RPS25: variants seen among roughly 807,000 people sequenced by gnomAD.
RPS25 encodes the protein ribosomal protein S25.
A neutral mutation model predicts 14.4 loss-of-function variants in RPS25; 1 was observed. The observed-to-expected ratio is 0.07, with a 90% CI of 0.02 to 0.33. The LOEUF is 0.33. Ranked by LOEUF, RPS25 falls within the 10% of genes least tolerant of loss-of-function variation. RPS25 has a pLI of 1.00. For synonymous variants in RPS25, 63 were observed against 53.8 expected (o/e 1.17, Z -0.75); for missense variants, 65 against 144.6 (o/e 0.45, Z 2.82).
At chr11:119,017,740 A>G in intron 2 of RPS25, 195 bp from the exon 3 acceptor site, 1 of 674,198 alleles carries the variant, frequency 1.5e-6, no homozygotes, top group Non-Finnish European at 2.5e-6. Flanking sequence ...TAGATCAGTT[A>G]AAAATAACAC....
At chr11:119,017,274 C>A in intron 3 of RPS25, 88 bp downstream of exon 3, 1 of 962,904 alleles carries the variant, frequency 1.0e-6, no homozygotes, top group Non-Finnish European at 1.5e-6. Flanking sequence ...TTTTTTAATT[C>A]TGCTTTTCCA....
chr11:119,017,597 C>A, intron 2 of RPS25, 52 bp from the exon 3 acceptor site: 2 of 1,497,112 alleles, frequency 1.3e-6, no homozygotes, highest in South Asian at 2.3e-5. Flanking sequence ...CAGAAGCACC[C>A]TTTCCCTCTC....
At chr11:119,016,715 C>T (rs1018897378) in intron 3 of RPS25, among the ~76,000 whole-genome samples, 2 of 151,500 alleles carry the variant, frequency 1.3e-5, no homozygotes, top group African/African-American at 4.9e-5. Context: ...ACTGCCACCT[C>T]CATCTCCTGG....
chr11:119,017,210 G>A (rs776058151), intron 3 of RPS25, 152 bp downstream of exon 3: 5 of 580,094 alleles, frequency 8.6e-6, no homozygotes, highest in Non-Finnish European at 1.5e-5. Context: ...TCAGGATCAG[G>A]AGTAAGACGT....
At position 119,017,562 on chromosome 11, in the gene RPS25, A is replaced by T; in HGVS notation, c.100-17T>A. 1 of 1,607,524 alleles carries T rather than the reference A, an allele frequency of 6.2e-7. No homozygotes were observed. Among genetic ancestry groups the T allele is most frequent in the Non-Finnish European group, 8.5e-7 (1 of 1,175,580 alleles). On this transcript the variant is annotated splice_polypyrimidine_tract_variant and intron_variant, in intron 2 of 4. Transcript: ENST00000527673. Reference sequence around the variant, plus strand: ...GGACCACTTCTGCTCACCAAAACAAAACAGAAACAAGTTAGTATTTCTGGC... The same window carrying T: ...GGACCACTTCTGCTCACCAAAACAATACAGAAACAAGTTAGTATTTCTGGC...
At chr11:119,016,345 G>C (rs1943155493) in intron 3 of RPS25, among the ~76,000 whole-genome samples, 1 of 152,060 alleles carries the variant, frequency 6.6e-6, no homozygotes, top group Non-Finnish European at 1.5e-5. Flanking sequence ...TGGACAGGTG[G>C]ATCTCTTGAG....
At chr11:119,015,815 C>CA (rs782209141) in intron 4 of RPS25, 26 bp downstream of exon 4, 3 of 1,475,344 alleles carry the variant, frequency 2.0e-6, no homozygotes, top group Non-Finnish European at 2.8e-6. Context: ...ACCTCCTACA[C>CA]CATGAGCCCA....
intron 3 of RPS25, among the ~76,000 whole-genome samples, chr11:119,016,656 A>C (rs1943166386): frequency 7.6e-6 from 1 of 130,822 alleles, no homozygotes; most frequent in Non-Finnish European, 1.6e-5. Context: ...TTTCTGAGAC[A>C]GTCTTTTGCT....
chr11:119,015,736 TC>T lies in RPS25; in HGVS notation c.*26del, dbSNP rs1323503005. 20 of 1,282,126 alleles carry T rather than the reference TC, an allele frequency of 1.6e-5. No homozygotes were observed. Among genetic ancestry groups the T allele is most frequent in the Non-Finnish European group, 2.2e-5 (20 of 899,250 alleles). The allele number at this position is 1,282,126 out of a possible 1,614,324, so 79.4% of individuals were successfully genotyped here. A position where few individuals can be genotyped will look rare whatever the true frequency, so the allele number is the denominator to read the frequency against. On this transcript the variant is annotated 3_prime_UTR_variant, in exon 5 of 5. Transcript: ENST00000527673. ...ATTTGATTTAATAAAGTTTTATTTT[TC>T]CAAATGTACAGCTGGTTGGACCTGT...
At chr11:119,017,317 G>A in intron 3 of RPS25, 45 bp downstream of exon 3, 8 of 1,415,126 alleles carry the variant, frequency 5.7e-6, no homozygotes, top group Non-Finnish European at 6.7e-6. Context: ...ACATGGTCAA[G>A]ACAATTTAAC....
At chr11:119,017,876 C>T in intron 2 of RPS25, 82 bp downstream of exon 2, 1 of 1,113,008 alleles carries the variant, frequency 9.0e-7, no homozygotes, top group South Asian at 1.3e-5. Flanking sequence ...ACCTGAAAAA[C>T]CACTTACTAT....
At chr11:119,017,258 C>CTT in intron 3 of RPS25, 104 bp downstream of exon 3, 36 of 700,826 alleles carry the variant, frequency 5.1e-5, no homozygotes, top group South Asian at 1.6e-4. Flanking sequence ...TCAAGCCACG[C>CTT]TTTTTTTTTT....
chr11:119,016,211 A>T (rs7131603), intron 3 of RPS25, among the ~76,000 whole-genome samples: 4,628 of 152,260 alleles, frequency 0.03, 233 homozygotes, highest in African/African-American at 0.1. Context: ...ACCTGAACCC[A>T]GGAATTGGTG....
intron 4 of RPS25, 24 bp downstream of exon 4, chr11:119,015,817 A>G (rs782116795): frequency 1.3e-6 from 2 of 1,484,094 alleles, no homozygotes; most frequent in East Asian, 4.5e-5. Context: ...CTCCTACACC[A>G]TGAGCCCACA....
chr11:119,017,870 G>A (rs1943201209), intron 2 of RPS25, 88 bp downstream of exon 2: 4 of 1,080,948 alleles, frequency 3.7e-6, no homozygotes, highest in Non-Finnish European at 5.6e-6. Flanking sequence ...ATCTACACCT[G>A]AAAAACCACT....
intron 3 of RPS25, among the ~76,000 whole-genome samples, chr11:119,016,548 A>G (rs895990606): frequency 6.6e-5 from 10 of 151,904 alleles, no homozygotes; most frequent in Admixed American, 5.2e-4. Context: ...AGAATTGCTT[A>G]ATCTGACGTT....
intron 1 of RPS25, 101 bp from the exon 2 acceptor site, chr11:119,018,154 G>T (rs1943212236): frequency 1.3e-6 from 2 of 1,561,822 alleles, no homozygotes; most frequent in Non-Finnish European, 1.8e-6. Flanking sequence ...CAGAGCACAT[G>T]GGCCAAGCAA....
At chr11:119,016,379 A>G (rs1366666969) in intron 3 of RPS25, among the ~76,000 whole-genome samples, 1 of 152,144 alleles carries the variant, frequency 6.6e-6, no homozygotes, top group African/African-American at 2.4e-5. Context: ...CCTGGGCAAC[A>G]TGGCAAAACC....
At chr11:119,017,876 C>A in intron 2 of RPS25, 82 bp downstream of exon 2, 1 of 1,113,006 alleles carries the variant, frequency 9.0e-7, no homozygotes, top group Non-Finnish European at 1.4e-6. Flanking sequence ...ACCTGAAAAA[C>A]CACTTACTAT....
Sources: allele counts gnomAD v4.1 joint callset (sites outside exome capture counted in the v4.1 genomes callset), GRCh38; gene constraint gnomAD v4.1.1; transcripts MANE v1.5; gene names NCBI Gene and HGNC (gene_info 2026-07-23, HGNC 2026-07-21).